RABGAP1L: variants seen among roughly 807,000 people sequenced by gnomAD.
RABGAP1L encodes the protein RAB GTPase activating protein 1 like, also known as rab GTPase-activating protein 1-like.
A neutral mutation model predicts 137.7 loss-of-function variants in RABGAP1L; 63 were observed. The ratio of observed to expected loss-of-function variants is 0.46; its 90% CI spans 0.37 to 0.56. RABGAP1L has a LOEUF of 0.56. RABGAP1L is among the 20% of genes least tolerant of loss of function. The pLI, the probability that RABGAP1L is intolerant of heterozygous loss-of-function variation, is 0.00. For synonymous variants in RABGAP1L, 431 were observed against 433.7 expected (o/e 0.99, Z 0.08); for missense variants, 1,095 against 1,244.0 (o/e 0.88, Z 1.80).
At chr1:174,978,290 A>G (rs997653228) in intron 22 of RABGAP1L, among the ~76,000 whole-genome samples, 37 of 152,094 alleles carry the variant, frequency 2.4e-4, no homozygotes, top group Non-Finnish European at 1.5e-5. Context: ...TAGTCCCTGA[A>G]TCTCCTGTCC....
chr1:174,563,936 C>T (rs1018928443), intron 13 of RABGAP1L, among the ~76,000 whole-genome samples: 2 of 151,980 alleles, frequency 1.3e-5, no homozygotes, highest in African/African-American at 4.8e-5. Flanking sequence ...AAAACATGAC[C>T]TCTAAAAAAA....
chr1:174,954,382 A>G (rs1292298484), intron 19 of RABGAP1L: 2 of 152,216 alleles, frequency 1.3e-5, no homozygotes, highest in Non-Finnish European at 2.9e-5. Flanking sequence ...CAGATGGGAA[A>G]GGATTAGCTT....
chr1:174,683,502 T>C lies in RABGAP1L; in HGVS notation c.1825-20T>C, dbSNP rs753122194. On this transcript the variant is annotated intron_variant, in intron 14 of 25. Transcript: ENST00000681986. The stretch of plus-strand genomic sequence containing the variant: ...TCTGTGACTATTTACGATATTTCTT[T>C]CTTTTCATCTTTTCTCTAGGCCTAC... 1 of 1,558,866 alleles carries C rather than the reference T, an allele frequency of 6.4e-7. No homozygotes were observed. Among genetic ancestry groups the C allele is most frequent in the South Asian group, 1.1e-5 (1 of 88,586 alleles).
At chr1:174,806,091 A>G (rs1689273839) in intron 18 of RABGAP1L, among the ~76,000 whole-genome samples, 1 of 152,220 alleles carries the variant, frequency 6.6e-6, no homozygotes, top group South Asian at 2.1e-4. Context: ...GCACAGATGT[A>G]TAATTGTAAA....
chr1:174,718,837 CTT>C (rs11337437), intron 17 of RABGAP1L, among the ~76,000 whole-genome samples: 270 of 106,400 alleles, frequency 2.5e-3, no homozygotes, highest in Admixed American at 3.3e-3. Context: ...TTTTCTTTTC[CTT>C]TTTTTTTTTT....
At chr1:174,710,033 G>A (rs1339971460) in intron 17 of RABGAP1L, among the ~76,000 whole-genome samples, 1 of 152,154 alleles carries the variant, frequency 6.6e-6, no homozygotes, top group Non-Finnish European at 1.5e-5. Context: ...AGTATCAATA[G>A]CCAAATTGAT....
At chr1:174,964,770 G>A in intron 20 of RABGAP1L, 7 of 1,338,510 alleles carry the variant, frequency 5.2e-6, no homozygotes, top group African/African-American at 1.5e-5. Flanking sequence ...GCTACCTCAA[G>A]TATCTTTGTT....
At chr1:174,873,469 T>C (rs1349750940) in intron 19 of RABGAP1L, among the ~76,000 whole-genome samples, 1 of 151,626 alleles carries the variant, frequency 6.6e-6, no homozygotes, top group African/African-American at 2.4e-5. Flanking sequence ...ATATGAGATA[T>C]AGGAAAAAGG....
In RABGAP1L at chr1:174,631,425, T is replaced by G. The variant is rs1489796877; in HGVS notation, c.1711-5950T>G. On this transcript the variant is annotated intron_variant, in intron 13 of 25. Coordinates refer to ENST00000681986, the MANE Select transcript of RABGAP1L (RefSeq NM_001366446.1). The stretch of plus-strand genomic sequence containing the variant: ...CTATTAGGTCTGCTTGGTGCAGAGC[T>G]GAGTTCAATTCCTGGGTATCCTTGT... 1.6e-3 allele frequency among the ~76,000 whole-genome samples: 174 copies of G among 106,448 alleles called. 3 individuals carry two copies. The highest frequency in any genetic ancestry group is 9.8e-3 in the African/African-American group (157 of 16,100). 69.8% of individuals were successfully genotyped at this position (106,448 alleles called of 152,430 possible).
chr1:174,506,640 C>T (rs1181247310), intron 13 of RABGAP1L, among the ~76,000 whole-genome samples: 9 of 152,042 alleles, frequency 5.9e-5, no homozygotes, highest in Non-Finnish European at 8.8e-5. Flanking sequence ...TTAGGTAATG[C>T]GTGTGTTAAA....
intron 9 of RABGAP1L, among the ~76,000 whole-genome samples, 157 bp downstream of exon 9, chr1:174,276,092 G>T (rs1176440042): frequency 6.6e-6 from 1 of 151,934 alleles, no homozygotes; most frequent in African/African-American, 2.4e-5. Flanking sequence ...TTCTATGGGG[G>T]AAATCTCCAC....
intron 18 of RABGAP1L, among the ~76,000 whole-genome samples, chr1:174,783,155 A>G (rs1485286605): frequency 6.6e-6 from 1 of 151,954 alleles, no homozygotes; most frequent in African/African-American, 2.4e-5. Flanking sequence ...TGCACTCCTG[A>G]TCTAGTGAGG....
At chr1:174,230,355 A>G (rs1670542310) in intron 3 of RABGAP1L, among the ~76,000 whole-genome samples, 1 of 152,202 alleles carries the variant, frequency 6.6e-6, no homozygotes, top group Non-Finnish European at 1.5e-5. Flanking sequence ...TATGTAACAA[A>G]CCTGCACGTT....
At chr1:174,721,176 G>A (rs1681504294) in intron 17 of RABGAP1L, among the ~76,000 whole-genome samples, 1 of 152,208 alleles carries the variant, frequency 6.6e-6, no homozygotes, top group African/African-American at 2.4e-5. Flanking sequence ...GCAGCAAAGA[G>A]TTATGTGGTA....
In RABGAP1L at chr1:174,241,606, T is replaced by C; in HGVS notation, c.666T>C (p.His222=). The change falls in exon 5 of 26, where the codon CAT becomes CAC. Residue 222 remains histidine (H), a synonymous_variant. Coordinates refer to ENST00000681986, the MANE Select transcript of RABGAP1L (RefSeq NM_001366446.1). ...GCTTTGCATTTACAGAGAGTTCCCA[T>C]GGTTCGGAAGAATTTCAGATACATG... is the stretch of plus-strand genomic sequence containing the variant. ...SNCFAFTESS[H]GSEEFQIHVF... 2 of 1,613,970 alleles carry C rather than the reference T, an allele frequency of 1.2e-6. No homozygotes were observed. Among genetic ancestry groups the C allele is most frequent in the Non-Finnish European group, 1.7e-6 (2 of 1,179,938 alleles).
intron 13 of RABGAP1L, among the ~76,000 whole-genome samples, chr1:174,553,314 G>A (rs1393146616): frequency 2.0e-5 from 3 of 152,094 alleles, no homozygotes; most frequent in African/African-American, 4.8e-5. Flanking sequence ...TGCCTACACC[G>A]CAAATGGTAT....
At chr1:174,328,009 A>ATG (rs1301749602) in intron 11 of RABGAP1L, among the ~76,000 whole-genome samples, 2,746 of 128,820 alleles carry the variant, frequency 0.021, 70 homozygotes, top group Middle Eastern at 0.079. Flanking sequence ...ATATATATAT[A>ATG]TATATATATA....
intron 13 of RABGAP1L, among the ~76,000 whole-genome samples, chr1:174,493,577 T>C (rs1486909139): frequency 6.6e-6 from 1 of 152,002 alleles, no homozygotes; most frequent in Non-Finnish European, 1.5e-5. Context: ...CCTAGCACTT[T>C]GGGAGGCTGA....
At position 174,541,952 on chromosome 1, in the gene RABGAP1L, C is replaced by T. The variant is rs576790493; in HGVS notation, c.1711-95423C>T. ...ATCCCAGGGATAAAGCCAACTTGAT[C>T]GTGGTGGATAAGCTTTTTGATGTGC... On this transcript the variant is annotated intron_variant, in intron 13 of 25. Transcript: ENST00000681986. Among the ~76,000 whole-genome samples the T allele has an allele frequency of 4.8e-4, 73 of 152,262 alleles. 1 individual carries two copies. The highest frequency in any genetic ancestry group is 1.7e-3 in the African/African-American group (69 of 41,536).
Sources: gnomAD v4.1 joint callset for allele counts (sites outside exome capture counted in the v4.1 genomes callset) on GRCh38, gnomAD v4.1.1 for gene constraint, MANE v1.5 for transcripts, NCBI Gene and HGNC (gene_info 2026-07-23, HGNC 2026-07-21) for gene names.